Variants in ATL2 observed in about 807,000 individuals in gnomAD.
ATL2 encodes the protein atlastin-2.
In ATL2, 31 loss-of-function variants were observed where a neutral mutation model predicts 73.9. That is an observed-to-expected ratio of 0.42 (90% CI 0.32 to 0.57). ATL2 has a LOEUF of 0.57. Among genes scored for constraint, ATL2 ranks in the 20% least tolerant of loss-of-function variants. The pLI is 0.14. For missense variants in ATL2, 738 were observed against 702.6 expected (o/e 1.05, Z -0.57); for synonymous variants, 291 against 237.5 (o/e 1.23, Z -2.07).
chr2:38,366,623 C>A (rs1671346472), intron 1 of ATL2, among the ~76,000 whole-genome samples: 1 of 152,196 alleles, frequency 6.6e-6, no homozygotes, highest in African/African-American at 2.4e-5. Flanking sequence ...AAGTATTCCT[C>A]AACAACTCTA....
intron 7 of ATL2, among the ~76,000 whole-genome samples, chr2:38,311,640 AAAAC>A (rs1667760092): frequency 6.6e-6 from 1 of 152,234 alleles, no homozygotes; most frequent in South Asian, 2.1e-4. Context: ...ATAAAGTACA[AAAAC>A]AAAGCCTGTG....
chr2:38,325,696 CAG>C (rs1668593931), intron 2 of ATL2, among the ~76,000 whole-genome samples: 4 of 4,040 alleles, frequency 9.9e-4, no homozygotes, highest in Non-Finnish European at 1.9e-3. Flanking sequence ...ACACACACAC[CAG>C]TACACACACA....
At chr2:38,370,111 C>A (rs1229467302) in intron 1 of ATL2, among the ~76,000 whole-genome samples, 1 of 142,012 alleles carries the variant, frequency 7.0e-6, no homozygotes, top group Non-Finnish European at 1.5e-5. Flanking sequence ...GCCGAGATCC[C>A]GCCACTGCAC....
At chr2:38,376,797 G>C (rs1214771291) in intron 1 of ATL2, among the ~76,000 whole-genome samples, 2 of 151,694 alleles carry the variant, frequency 1.3e-5, no homozygotes, top group Non-Finnish European at 2.9e-5. Context: ...CCCGCGCCCC[G>C]GGCAGGCGGC....
intron 2 of ATL2, among the ~76,000 whole-genome samples, chr2:38,322,309 C>T (rs536423007): frequency 5.3e-5 from 8 of 152,318 alleles, no homozygotes; most frequent in African/African-American, 1.9e-4. Flanking sequence ...TCTATCTCCT[C>T]TACAAGAAGG....
At chr2:38,361,711 T>C (rs564461271) in intron 1 of ATL2, among the ~76,000 whole-genome samples, 2 of 152,328 alleles carry the variant, frequency 1.3e-5, no homozygotes, top group South Asian at 4.1e-4. Context: ...TACATTACAA[T>C]TGTTTTTAAT....
intron 1 of ATL2, among the ~76,000 whole-genome samples, chr2:38,352,225 T>G (rs1033933258): frequency 6.6e-6 from 1 of 151,720 alleles, no homozygotes; most frequent in Non-Finnish European, 1.5e-5. Context: ...CCAATTCTAT[T>G]TTGCATTTTT....
At chr2:38,350,823 C>T (rs1366548240) in intron 1 of ATL2, among the ~76,000 whole-genome samples, 1 of 151,836 alleles carries the variant, frequency 6.6e-6, no homozygotes, top group East Asian at 1.9e-4. Context: ...TGTCTAATCA[C>T]ACATTATCTT....
intron 2 of ATL2, among the ~76,000 whole-genome samples, chr2:38,329,216 C>A (rs1668839746): frequency 6.7e-6 from 1 of 150,106 alleles, no homozygotes; most frequent in Non-Finnish European, 1.5e-5. Context: ...CACCTGAGGT[C>A]AGGAGTTCAA....
intron 1 of ATL2, among the ~76,000 whole-genome samples, chr2:38,346,734 G>A (rs185083367): frequency 2.0e-5 from 3 of 152,266 alleles, no homozygotes; most frequent in South Asian, 2.1e-4. Flanking sequence ...AGTAATGCTC[G>A]CTCGCCTGCT....
Position 38,321,142 on chromosome 2 carries a change from C to T in ATL2, c.364-2123G>A, listed in dbSNP as rs1273027848. 2.6e-5 allele frequency among the ~76,000 whole-genome samples: 4 copies of T among 152,256 alleles called. No homozygotes were observed. The East Asian group carries it at 7.7e-4, about 29-fold the overall frequency. On this transcript the variant is annotated intron_variant, in intron 2 of 12. Transcript: ENST00000378954. ...GAGCTGAGATCGCACCACTGCGCTC[C>T]AGCCTGGGCAACAGAGAGAGACTGT... is the stretch of plus-strand genomic sequence containing the variant.
At chr2:38,364,417 C>A (rs534453950) in intron 1 of ATL2, among the ~76,000 whole-genome samples, 2 of 152,162 alleles carry the variant, frequency 1.3e-5, no homozygotes, top group South Asian at 4.1e-4. Context: ...AAGTGTAATG[C>A]GCAAATCAGA....
At chr2:38,331,626 A>T (rs1669001557) in intron 2 of ATL2, among the ~76,000 whole-genome samples, 2 of 151,196 alleles carry the variant, frequency 1.3e-5, no homozygotes, top group Admixed American at 1.3e-4. Context: ...AAAAAAAAAA[A>T]AAAAATAGAA....
chr2:38,299,128 G>A, intron 11 of ATL2, 128 bp downstream of exon 11: 1 of 776,692 alleles, frequency 1.3e-6, no homozygotes, highest in East Asian at 3.5e-5. Context: ...CCATAAAGGG[G>A]AATTAGGGAA....
intron 1 of ATL2, among the ~76,000 whole-genome samples, chr2:38,367,853 G>A (rs141122460): frequency 0.012 from 1,752 of 149,878 alleles, 23 homozygotes; most frequent in East Asian, 0.058. Context: ...GGCTGGTCTC[G>A]AACTTCTGAC....
At chr2:38,318,707 T>A in intron 3 of ATL2, 68 bp from the exon 4 acceptor site, 1 of 1,397,258 alleles carries the variant, frequency 7.2e-7, no homozygotes, top group Non-Finnish European at 9.7e-7. Context: ...AAAAATCAAA[T>A]GATAAATTTG....
At chr2:38,350,559 T>C (rs6737169) in intron 1 of ATL2, among the ~76,000 whole-genome samples, 44,315 of 152,024 alleles carry the variant, frequency 0.29, 6,579 homozygotes, top group South Asian at 0.39. Flanking sequence ...AAAAAAACCA[T>C]TGAATATACA....
intron 2 of ATL2, among the ~76,000 whole-genome samples, chr2:38,329,627 A>T (rs1217668529): frequency 6.6e-6 from 1 of 151,986 alleles, no homozygotes. Flanking sequence ...CCAAAACCAG[A>T]CAAAGATACT....
At chr2:38,337,225 C>CTGTAATCCCAACACT (rs1326609905) in intron 2 of ATL2, among the ~76,000 whole-genome samples, 1 of 151,706 alleles carries the variant, frequency 6.6e-6, no homozygotes. Context: ...TGGCTCACAC[C>CTGTAATCCCAACACT]TGTAATCCCA....
Sources: allele counts gnomAD v4.1 joint callset (sites outside exome capture counted in the v4.1 genomes callset), GRCh38; gene constraint gnomAD v4.1.1; transcripts MANE v1.5; gene names NCBI Gene and HGNC (gene_info 2026-07-23, HGNC 2026-07-21).